HDHD2: variants seen among roughly 807,000 people sequenced by gnomAD.
HDHD2 encodes haloacid dehalogenase like hydrolase domain containing 2, also known as haloacid dehalogenase-like hydrolase domain-containing protein 2.
HDHD2 carries 26 observed loss-of-function variants against 24.8 expected under a neutral mutation model. That is an observed-to-expected ratio of 1.05 (90% CI 0.77 to 1.45). The LOEUF (loss-of-function observed/expected upper bound fraction) is 1.45. Among genes scored for constraint, HDHD2 ranks in the 40% most tolerant of loss-of-function variants. HDHD2 has a pLI of 0.00. For synonymous variants in HDHD2, 128 were observed against 114.9 expected (o/e 1.11, Z -0.73); for missense variants, 299 against 313.4 (o/e 0.95, Z 0.35).
intron 4 of HDHD2, among the ~76,000 whole-genome samples, chr18:47,116,970 G>C (rs1391435450): frequency 6.6e-6 from 1 of 152,128 alleles, no homozygotes; most frequent in Non-Finnish European, 1.5e-5. Flanking sequence ...TGAAACTGTG[G>C]GTTCCTCTAC....
At chr18:47,149,933 C>T (rs2063913231) in intron 1 of HDHD2, 1 of 152,602 alleles carries the variant, frequency 6.6e-6, no homozygotes, top group Non-Finnish European at 1.5e-5. Flanking sequence ...TGGAAGGCCC[C>T]AACAACAAAC....
intron 1 of HDHD2, chr18:47,137,402 A>C: frequency 3.5e-6 from 1 of 284,082 alleles, no homozygotes; most frequent in Non-Finnish European, 6.8e-6. Context: ...CATCCTGATG[A>C]CTAGTTTTCT....
In HDHD2 at chr18:47,108,632, C is replaced by G. The variant is rs2063491743; in HGVS notation, c.*50G>C. On this transcript the variant is annotated 3_prime_UTR_variant, in exon 7 of 7. Coordinates refer to ENST00000300605, the MANE Select transcript of HDHD2 (RefSeq NM_032124.5). ...GCACTGAGTTGGTAAGGGATTCATT[C>G]CAGACAATAAGAAGCTGCATTTCAA... 1 of 1,001,556 alleles carries G rather than the reference C, an allele frequency of 1.0e-6. No individual in the cohort carries two copies. The highest frequency in any genetic ancestry group is 1.4e-5 in the South Asian group (1 of 70,660). The allele number at this position is 1,001,556 out of a possible 1,614,324, so 62.0% of individuals were successfully genotyped here. A position where few individuals can be genotyped will look rare whatever the true frequency, so the allele number is the denominator to read the frequency against.
chr18:47,134,754 C>A (rs1375723130), intron 2 of HDHD2, 50 bp from the exon 3 acceptor site: 7 of 1,421,626 alleles, frequency 4.9e-6, no homozygotes, highest in Non-Finnish European at 6.9e-6. Flanking sequence ...ACATTCTGGC[C>A]CTATAAAATC....
rs2063491543 is a variant in HDHD2 at position 47,108,608 on chromosome 18, C to T, written c.*74G>A. On this transcript the variant is annotated 3_prime_UTR_variant, in exon 7 of 7. Transcript: ENST00000300605. ...ACTGACTGGTGTCTACCGATGCTGG[C>T]ACTGAGTTGGTAAGGGATTCATTCC... 1.3e-6 allele frequency: 1 copy of T among 770,354 alleles called. No individual in the cohort carries two copies. Among genetic ancestry groups the T allele is most frequent in the South Asian group, 1.7e-5 (1 of 59,566 alleles). 47.7% of individuals were successfully genotyped at this position (770,354 alleles called of 1,614,324 possible). A position where few individuals can be genotyped will look rare whatever the true frequency, so the allele number is the denominator to read the frequency against.
At chr18:47,129,763 A>T (rs777373058) in intron 4 of HDHD2, among the ~76,000 whole-genome samples, 4 of 152,186 alleles carry the variant, frequency 2.6e-5, no homozygotes, top group Admixed American at 2.6e-4. Context: ...AGAGAATCAT[A>T]GGAGTAATAA....
intron 6 of HDHD2, among the ~76,000 whole-genome samples, chr18:47,112,109 A>G (rs1465525545): frequency 6.6e-6 from 1 of 152,226 alleles, no homozygotes; most frequent in Non-Finnish European, 1.5e-5. Flanking sequence ...CAGGGGAAGA[A>G]GGGCTTTTCA....
chr18:47,120,978 T>C (rs1166937294), intron 4 of HDHD2, among the ~76,000 whole-genome samples: 1 of 151,760 alleles, frequency 6.6e-6, no homozygotes, highest in African/African-American at 2.4e-5. Context: ...CACATAATAA[T>C]AATGAAAAGT....
intron 1 of HDHD2, among the ~76,000 whole-genome samples, chr18:47,143,795 T>C (rs1031773973): frequency 6.6e-6 from 1 of 152,144 alleles, no homozygotes; most frequent in African/African-American, 2.4e-5. Context: ...CTTTAAAGCA[T>C]ACAAATTGTA....
At chr18:47,110,225 G>A (rs1029240430) in intron 6 of HDHD2, 1 of 985,418 alleles carries the variant, frequency 1.0e-6, no homozygotes, top group Non-Finnish European at 1.2e-6. Flanking sequence ...TTTGCATCAT[G>A]GTGGAGAAGA....
chr18:47,148,481 A>G (rs963857578), intron 1 of HDHD2, among the ~76,000 whole-genome samples: 26 of 152,350 alleles, frequency 1.7e-4, no homozygotes, highest in African/African-American at 6.3e-4. Flanking sequence ...GAAGAGCCAT[A>G]AACCACTGAC....
chr18:47,149,871 T>C (rs756960475), intron 1 of HDHD2, among the ~76,000 whole-genome samples: 2 of 152,176 alleles, frequency 1.3e-5, no homozygotes, highest in African/African-American at 2.4e-5. Flanking sequence ...CTGGGTTATT[T>C]AGGCGTTCAA....
chr18:47,115,301 T>A lies in HDHD2; in HGVS notation c.443A>T (p.Tyr148Phe). The A allele has an allele frequency of 1.2e-5, 19 of 1,613,982 alleles. 1 individual carries two copies. The highest frequency in any genetic ancestry group is 1.5e-5 in the Non-Finnish European group (18 of 1,179,904). Residue 148 changes from tyrosine to phenylalanine, a missense_variant, in exon 5 of 7, where the codon TAT becomes TTT. By Grantham distance (22) the Tyr-to-Phe change is conservative. Coordinates refer to ENST00000300605, the MANE Select transcript of HDHD2 (RefSeq NM_032124.5). Reference sequence around the variant, plus strand: ...GGCTAAGCCATCTTTCCTCTTGTAATACCTGGCTTTGTGGATTGCTATCAG... The same window carrying A: ...GGCTAAGCCATCTTTCCTCTTGTAAAACCTGGCTTTGTGGATTGCTATCAG... ...APLIAIHKAR[Y>F]YKRKDGLALG...
chr18:47,145,214 T>C (rs1241814661), intron 1 of HDHD2, among the ~76,000 whole-genome samples: 1 of 152,236 alleles, frequency 6.6e-6, no homozygotes, highest in South Asian at 2.1e-4. Context: ...TCAGATTCAA[T>C]GCAACTCCAA....
At chr18:47,127,851 A>T (rs1468701029) in intron 4 of HDHD2, among the ~76,000 whole-genome samples, 1 of 152,234 alleles carries the variant, frequency 6.6e-6, no homozygotes, top group Non-Finnish European at 1.5e-5. Context: ...CATAATGTGA[A>T]GTTTGATGTA....
chr18:47,119,700 T>A (rs1168578650), intron 4 of HDHD2, among the ~76,000 whole-genome samples: 1 of 152,258 alleles, frequency 6.6e-6, no homozygotes, highest in Non-Finnish European at 1.5e-5. Context: ...CAAATGTTCT[T>A]AATGGCATCT....
chr18:47,144,679 G>T (rs1205383673), intron 1 of HDHD2, among the ~76,000 whole-genome samples: 1 of 151,736 alleles, frequency 6.6e-6, no homozygotes, highest in Admixed American at 6.6e-5. Context: ...TGGGCCTGTA[G>T]TCCTAGCTAC....
rs2063488308 is a variant in HDHD2, at chr18:47,108,121, T to C, written c.*561A>G. The stretch of plus-strand genomic sequence containing the variant: ...GAAGTCACCCGTGCTGGGAATACAG[T>C]AGAAAATTTAGTTTTCAACATCTGT... On this transcript the variant is annotated 3_prime_UTR_variant, in exon 7 of 7. Transcript: ENST00000300605. The C allele has an allele frequency of 6.6e-6, 1 of 152,650 alleles. No homozygotes were observed. The highest frequency in any genetic ancestry group is 2.4e-5 in the African/African-American group (1 of 41,460). The allele number at this position is 152,650 out of a possible 1,614,324, so 9.5% of individuals were successfully genotyped here.
intron 1 of HDHD2, among the ~76,000 whole-genome samples, chr18:47,141,585 A>G (rs1272842702): frequency 2.0e-5 from 3 of 152,206 alleles, no homozygotes; most frequent in Non-Finnish European, 4.4e-5. Flanking sequence ...ATTTTATGTA[A>G]TCAGTATGGG....
Sources: gnomAD v4.1 joint callset for allele counts (sites outside exome capture counted in the v4.1 genomes callset) on GRCh38, gnomAD v4.1.1 for gene constraint, MANE v1.5 for transcripts, NCBI Gene and HGNC (gene_info 2026-07-23, HGNC 2026-07-21) for gene names.